Variants in LRFN5 observed in about 807,000 individuals in gnomAD.
The protein encoded by LRFN5 is leucine rich repeat and fibronectin type III domain containing 5, also known as leucine-rich repeat and fibronectin type-III domain-containing protein 5.
LRFN5 carries 24 observed loss-of-function variants against 45.6 expected under a neutral mutation model. That is an observed-to-expected ratio of 0.53 (90% CI 0.38 to 0.74). LRFN5 has a LOEUF of 0.74. Ranked by LOEUF, LRFN5 falls within the 30% of genes least tolerant of loss-of-function variation. The pLI is 0.00. For synonymous variants in LRFN5, 340 were observed against 313.8 expected (o/e 1.08, Z -0.88); for missense variants, 776 against 861.5 (o/e 0.90, Z 1.24).
intron 1 of LRFN5, among the ~76,000 whole-genome samples, chr14:41,737,014 A>T (rs10130440): frequency 0.049 from 7,444 of 152,246 alleles, 575 homozygotes; most frequent in East Asian, 0.38. Flanking sequence ...GGCCAGCATC[A>T]TCCTGATACC....
rs1887508199 is a variant in LRFN5, at chr14:41,606,996, G to T, written c.-1763G>T. 6.6e-6 allele frequency among the ~76,000 whole-genome samples: 1 copy of T among 152,054 alleles called. No individual in the cohort carries two copies. The highest frequency in any genetic ancestry group is 1.5e-5 in the Non-Finnish European group (1 of 67,980). On this transcript the variant is annotated 5_prime_UTR_variant, in exon 1 of 6. Transcript: ENST00000298119. The stretch of plus-strand genomic sequence containing the variant: ...TCCCGGGTCCGCCCCGGCCGCGGCC[G>T]CAGCCCCGGACCTCGGCTGCTTGCC...
At chr14:41,819,489 T>C (rs1888036992) in intron 2 of LRFN5, among the ~76,000 whole-genome samples, 1 of 152,164 alleles carries the variant, frequency 6.6e-6, no homozygotes, top group Non-Finnish European at 1.5e-5. Context: ...CATTCTTGCA[T>C]TGCTATAAAG....
At chr14:41,883,907 C>T (rs1890474611) in intron 2 of LRFN5, among the ~76,000 whole-genome samples, 1 of 152,016 alleles carries the variant, frequency 6.6e-6, no homozygotes, top group Admixed American at 6.6e-5. Context: ...ATTGCAATTA[C>T]GTATATGTTT....
At chr14:41,791,771 A>G (rs1288375965) in intron 2 of LRFN5, among the ~76,000 whole-genome samples, 1 of 152,094 alleles carries the variant, frequency 6.6e-6, no homozygotes, top group Non-Finnish European at 1.5e-5. Context: ...GCTGCAAGAG[A>G]TGAGATAATA....
At chr14:41,815,731 G>A (rs921141762) in intron 2 of LRFN5, among the ~76,000 whole-genome samples, 4 of 151,994 alleles carry the variant, frequency 2.6e-5, no homozygotes, top group African/African-American at 9.7e-5. Context: ...GGGTGACAGA[G>A]TGAGACCTTG....
In LRFN5 at chr14:41,898,956, C is replaced by T; in HGVS notation, c.2138C>T (p.Thr713Ile). ...AATGTTGACCAGATTGTCCAGGAAA[C>T]ACAGGTGAGATTCTTATTACCTATA... ...LTNVDQIVQETQRLELI is the reference protein window; with the variant it reads ...LTNVDQIVQEIQRLELI The change falls in exon 5 of 6, where the codon ACA (threonine) becomes ATA (isoleucine). Residue 713 changes from threonine (T) to isoleucine (I), a missense_variant. This residue lies in a region of LRFN5 where 465 missense variants were observed against 456.4 expected (regional missense o/e 1.02). Transcript: ENST00000298119. 1 of 1,610,558 alleles carries T rather than the reference C, an allele frequency of 6.2e-7. No individual in the cohort carries two copies. The highest frequency in any genetic ancestry group is 8.5e-7 in the Non-Finnish European group (1 of 1,178,280).
chr14:41,811,693 A>T (rs1322025507), intron 2 of LRFN5, among the ~76,000 whole-genome samples: 1 of 152,104 alleles, frequency 6.6e-6, no homozygotes, highest in African/African-American at 2.4e-5. Context: ...TTCCATTGGT[A>T]TGAAATGTCC....
At chr14:41,859,357 G>C (rs913109670) in intron 2 of LRFN5, among the ~76,000 whole-genome samples, 3 of 152,156 alleles carry the variant, frequency 2.0e-5, no homozygotes, top group Non-Finnish European at 4.4e-5. Flanking sequence ...TACAAATTCA[G>C]CTATCTCCAA....
intron 2 of LRFN5, among the ~76,000 whole-genome samples, chr14:41,882,846 CTTTTT>C (rs71105409): frequency 2.8e-5 from 3 of 107,284 alleles, no homozygotes; most frequent in Non-Finnish European, 5.4e-5. Flanking sequence ...TGTATTTCCT[CTTTTT>C]TTTTTTTTTT....
chr14:41,688,321 T>A (rs1489438657), intron 1 of LRFN5, among the ~76,000 whole-genome samples: 1 of 152,134 alleles, frequency 6.6e-6, no homozygotes, highest in Admixed American at 6.5e-5. Context: ...TATAGTTGGA[T>A]TGTCTGAAAC....
intron 1 of LRFN5, among the ~76,000 whole-genome samples, chr14:41,682,064 TG>T (rs1156917133): frequency 4.6e-5 from 7 of 150,734 alleles, no homozygotes; most frequent in African/African-American, 1.7e-4. Context: ...GTGATCCGCC[TG>T]CCTTGGCCTC....
At chr14:41,843,847 A>T (rs748131916) in intron 2 of LRFN5, among the ~76,000 whole-genome samples, 1 of 152,256 alleles carries the variant, frequency 6.6e-6, no homozygotes, top group Non-Finnish European at 1.5e-5. Flanking sequence ...AAGAAGATAA[A>T]CACACATGTT....
chr14:41,769,409 G>A (rs2138887660), intron 2 of LRFN5, among the ~76,000 whole-genome samples: 1 of 152,168 alleles, frequency 6.6e-6, no homozygotes, highest in East Asian at 1.9e-4. Flanking sequence ...AAGTATTGAT[G>A]AAATTAAACA....
chr14:41,702,846 A>T (rs1381039516), intron 1 of LRFN5, among the ~76,000 whole-genome samples: 2 of 151,932 alleles, frequency 1.3e-5, no homozygotes, highest in Non-Finnish European at 1.5e-5. Context: ...CTTAAACAAT[A>T]TATATTTTCT....
chr14:41,745,732 C>G (rs1342029081), intron 1 of LRFN5, among the ~76,000 whole-genome samples: 1 of 151,896 alleles, frequency 6.6e-6, no homozygotes, highest in Non-Finnish European at 1.5e-5. Context: ...ACGAAATTAT[C>G]CTGAACAATT....
intron 1 of LRFN5, among the ~76,000 whole-genome samples, chr14:41,681,828 T>A (rs79715885): frequency 0.061 from 2,173 of 35,898 alleles, 16 homozygotes; most frequent in African/African-American, 0.2. Context: ...TTATTTATTT[T>A]TTTTTTTTGT....
In LRFN5 at chr14:41,618,731, A is replaced by C. The variant is rs55763225; in HGVS notation, c.-197+10169A>C. On this transcript the variant is annotated intron_variant, in intron 1 of 5. Transcript: ENST00000298119. The stretch of plus-strand genomic sequence containing the variant: ...TGAGACACCTGTCTTAGGTACTGAG[A>C]CATAGCCAGCCACCATACCTCTCTA... Among the ~76,000 whole-genome samples, 789 of 152,336 alleles carry C rather than the reference A, an allele frequency of 5.2e-3. 4 individuals are homozygous for C. Among genetic ancestry groups the C allele is most frequent in the African/African-American group, 0.018 (749 of 41,578 alleles).
chr14:41,780,046 A>C (rs1886427047), intron 2 of LRFN5, among the ~76,000 whole-genome samples: 1 of 151,862 alleles, frequency 6.6e-6, no homozygotes, highest in Non-Finnish European at 1.5e-5. Flanking sequence ...TATTGAATTT[A>C]TATCTTTTTT....
chr14:41,674,500 G>T (rs1386569487), intron 1 of LRFN5, among the ~76,000 whole-genome samples: 4 of 144,128 alleles, frequency 2.8e-5, no homozygotes, highest in Admixed American at 6.7e-5. Context: ...TGGCCGGGCG[G>T]GGGGCTGACC....
Sources: allele counts gnomAD v4.1 joint callset (sites outside exome capture counted in the v4.1 genomes callset), GRCh38; gene constraint gnomAD v4.1.1; regional missense constraint gnomAD v4.1.1; transcripts MANE v1.5; gene names NCBI Gene and HGNC (gene_info 2026-07-23, HGNC 2026-07-21).